DOT1L: variants seen among roughly 807,000 people sequenced by gnomAD.
DOT1L encodes the protein DOT1 like histone lysine methyltransferase.
DOT1L carries 33 observed loss-of-function variants against 153.3 expected under a neutral mutation model. The observed-to-expected ratio is 0.22, with a 90% confidence interval of 0.16 to 0.29. The LOEUF (loss-of-function observed/expected upper bound fraction) is 0.29. DOT1L is among the 10% of genes least tolerant of loss of function. The pLI is 1.00. For missense variants in DOT1L, 1,847 were observed against 2,119.9 expected, an observed-to-expected ratio of 0.87 and a Z score of 2.53; for synonymous variants, 1,135 against 965.1, an observed-to-expected ratio of 1.18 and a Z score of -3.26.
chr19:2,197,405 AT>A lies in DOT1L; in HGVS notation c.652-2478del, dbSNP rs2023068483. ...GAAGCCCTCGCCATGGTTCCCAGCGATGGCCAGGAGGGCGCCATGGTGCCTT... is the reference window on the plus strand; with the variant it reads ...GAAGCCCTCGCCATGGTTCCCAGCGAGGCCAGGAGGGCGCCATGGTGCCTT... On this transcript the variant is annotated intron_variant, in intron 7 of 27. Transcript: ENST00000398665. The surrounding 1 kb of genome is among the most constrained non-coding windows in gnomAD (Gnocchi z 4.1). Among the ~76,000 whole-genome samples, 1 of 152,182 alleles carries A rather than the reference AT, an allele frequency of 6.6e-6. No homozygotes were observed. The highest frequency in any genetic ancestry group is 1.5e-5 in the Non-Finnish European group (1 of 68,022).
intron 24 of DOT1L, 58 bp from the exon 25 acceptor site, chr19:2,223,223 C>T (rs1421077183): frequency 1.5e-5 from 24 of 1,588,210 alleles, no homozygotes; most frequent in Non-Finnish European, 1.8e-5. Flanking sequence ...GGGGGGCTCT[C>T]CTGCCTTGGG....
At chr19:2,169,706 G>T (rs1422440156) in intron 1 of DOT1L, among the ~76,000 whole-genome samples, 1 of 152,178 alleles carries the variant, frequency 6.6e-6, no homozygotes, top group Non-Finnish European at 1.5e-5. Context: ...TCATCAGAGT[G>T]TATATTTGGG....
chr19:2,197,369 C>T lies in DOT1L; in HGVS notation c.652-2515C>T, dbSNP rs2023066530. On this transcript the variant is annotated intron_variant, in intron 7 of 27. Coordinates refer to ENST00000398665, the MANE Select transcript of DOT1L (RefSeq NM_032482.3). The surrounding 1 kb of genome is among the most constrained non-coding windows in gnomAD (Gnocchi z 4.1). ...GGCAGGCGAGCCACACAGATCCCAG[C>T]ACAGAGGATGGAAGCCCTCGCCATG... 6.6e-6 allele frequency among the ~76,000 whole-genome samples: 1 copy of T among 152,230 alleles called. No individual in the cohort carries two copies. Among genetic ancestry groups the T allele is most frequent in the African/African-American group, 2.4e-5 (1 of 41,466 alleles).
rs2024624710 is a variant in DOT1L, at chr19:2,232,099, T to C, written c.*2307T>C. 1 of 216,570 alleles carries C rather than the reference T, an allele frequency of 4.6e-6. No individual in the cohort carries two copies. The highest frequency in any genetic ancestry group is 1.8e-4 in the South Asian group (1 of 5,412). 13.4% of individuals were successfully genotyped at this position (216,570 alleles called of 1,614,324 possible). A position where few individuals can be genotyped will look rare whatever the true frequency, so the allele number is the denominator to read the frequency against. On this transcript the variant is annotated 3_prime_UTR_variant, in exon 28 of 28. Coordinates refer to ENST00000398665, the MANE Select transcript of DOT1L (RefSeq NM_032482.3). ...TGGAGACTGGGGATCTGGAGCCTGG[T>C]GCTGGCACCTGGCCTGAGTTTCCGT...
Position 2,207,475 on chromosome 19 carries a change from C to G in DOT1L, c.857-99C>G. 2 of 1,004,802 alleles carry G rather than the reference C, an allele frequency of 2.0e-6. No homozygotes were observed. Among genetic ancestry groups the G allele is most frequent in the Non-Finnish European group, 2.9e-6 (2 of 681,782 alleles). The allele number at this position is 1,004,802 out of a possible 1,614,324, so 62.2% of individuals were successfully genotyped here. ...GTGGGAGAAGAGGGAAGACGCGCAGCTCAGGCTTCTGTCCCCACGCCTGCC... is the reference window on the plus strand; with the variant it reads ...GTGGGAGAAGAGGGAAGACGCGCAGGTCAGGCTTCTGTCCCCACGCCTGCC... On this transcript the variant is annotated intron_variant, in intron 10 of 27. Transcript: ENST00000398665. This position sits in a 1 kb window ranked among gnomAD's most constrained non-coding sequence, Gnocchi z 4.5.
rs150805480 is a variant in DOT1L, at chr19:2,171,571, G to C, written c.81+7306G>C. On this transcript the variant is annotated intron_variant, in intron 1 of 27. Coordinates refer to ENST00000398665, the MANE Select transcript of DOT1L (RefSeq NM_032482.3). Reference sequence around the variant, plus strand: ...CACCACCGAGGGCGGGCCAGGAGACGCCAAGAGCTGTGCCTTTCATCGCCT... The same window carrying C: ...CACCACCGAGGGCGGGCCAGGAGACCCCAAGAGCTGTGCCTTTCATCGCCT... Among the ~76,000 whole-genome samples, 10 of 152,308 alleles carry C rather than the reference G, an allele frequency of 6.6e-5. No homozygotes were observed. In the East Asian group the frequency reaches 1.9e-3, roughly 29 times the overall value.
chr19:2,216,489 T>A lies in DOT1L; in HGVS notation c.2132T>A (p.Leu711His), dbSNP rs1343543105. The A allele has an allele frequency of 4.3e-6, 7 of 1,612,588 alleles. No homozygotes were observed. The Admixed American group carries it at 1.2e-4, about 27-fold the overall frequency. The change falls in exon 20 of 28, where the codon CTC becomes CAC. Residue 711 changes from leucine (L) to histidine (H), a missense_variant. This residue lies in a region of DOT1L where 281 missense variants were observed against 263.6 expected (regional missense o/e 1.07). Coordinates refer to ENST00000398665, the MANE Select transcript of DOT1L (RefSeq NM_032482.3). ...CACTTGAGCAGCATGAGCCCGGAGCTCTCCATGAACGGCCAGGCTGCTGGC... is the reference window on the plus strand; with the variant it reads ...CACTTGAGCAGCATGAGCCCGGAGCACTCCATGAACGGCCAGGCTGCTGGC... ...LPHLSSMSPE[L>H]SMNGQAAGYE...
rs1161840963 is a variant in DOT1L, at chr19:2,208,242, C to T, written c.963+562C>T. Among the ~76,000 whole-genome samples, 1 of 152,182 alleles carries T rather than the reference C, an allele frequency of 6.6e-6. No homozygotes were observed. Among genetic ancestry groups the T allele is most frequent in the Non-Finnish European group, 1.5e-5 (1 of 68,014 alleles). ...CTGGCATGTGGGCAGCGCCAGCCCT[C>T]CAGGGCTGGGAGGCTTCCCCTGGTC... On this transcript the variant is annotated intron_variant, in intron 11 of 27. Transcript: ENST00000398665. This position sits in a 1 kb window ranked among gnomAD's most constrained non-coding sequence, Gnocchi z 4.4.
At chr19:2,165,477 C>G (rs1028357416) in intron 1 of DOT1L, among the ~76,000 whole-genome samples, 7 of 152,230 alleles carry the variant, frequency 4.6e-5, no homozygotes, top group African/African-American at 1.7e-4. Context: ...GGGGCTCTGG[C>G]TTCTCTGGTT....
intron 1 of DOT1L, among the ~76,000 whole-genome samples, chr19:2,166,405 T>C (rs1272228024): frequency 6.6e-6 from 1 of 151,234 alleles, no homozygotes; most frequent in Non-Finnish European, 1.5e-5. Context: ...CTCACATTTA[T>C]TTATTTATAT....
Position 2,193,599 on chromosome 19 carries a change from A to G in DOT1L, c.494-90A>G. The G allele has an allele frequency of 7.7e-7, 1 of 1,296,212 alleles. No individual in the cohort carries two copies. The highest frequency in any genetic ancestry group is 1.1e-6 in the Non-Finnish European group (1 of 911,184). 80.3% of individuals were successfully genotyped at this position (1,296,212 alleles called of 1,614,324 possible). ...CTCCCCTGTGGGTCTTCATGGCCGC[A>G]TTCTTGTGGCCTCTGTCTCCGAGCC... On this transcript the variant is annotated intron_variant, in intron 5 of 27. Coordinates refer to ENST00000398665, the MANE Select transcript of DOT1L (RefSeq NM_032482.3). The surrounding 1 kb of genome is among the most constrained non-coding windows in gnomAD (Gnocchi z 5.9).
intron 27 of DOT1L, chr19:2,229,179 A>C: frequency 1.0e-6 from 1 of 985,456 alleles, no homozygotes; most frequent in Non-Finnish European, 1.2e-6. Context: ...TGAGGCCTTC[A>C]GGGAATGTCC....
chr19:2,181,347 G>A (rs540832772), intron 2 of DOT1L, among the ~76,000 whole-genome samples: 14 of 152,280 alleles, frequency 9.2e-5, no homozygotes, highest in South Asian at 4.1e-4. Flanking sequence ...TGGCCCTGGC[G>A]TCTTGCTGGT....
intron 7 of DOT1L, 65 bp from the exon 8 acceptor site, chr19:2,199,819 G>A: frequency 1.9e-6 from 3 of 1,582,244 alleles, no homozygotes; most frequent in Non-Finnish European, 2.6e-6. Context: ...TCTTCACAGG[G>A]GCTGGGCGGG....
intron 27 of DOT1L, chr19:2,228,619 C>T (rs1279354819): frequency 5.6e-5 from 55 of 985,258 alleles, no homozygotes; most frequent in Admixed American, 1.8e-4. Flanking sequence ...CCTGCGGTGA[C>T]GCCGCAGGAC....
At position 2,199,044 on chromosome 19, in the gene DOT1L, G is replaced by C. The variant is rs138260187; in HGVS notation, c.652-840G>C. ...GGCATTTGTGTCCGGGCTTTTGTGT[G>C]GACATGTTTTTATTTCTCCTGGGAA... On this transcript the variant is annotated intron_variant, in intron 7 of 27. Coordinates refer to ENST00000398665, the MANE Select transcript of DOT1L (RefSeq NM_032482.3). 2.1e-3 allele frequency among the ~76,000 whole-genome samples: 325 copies of C among 152,304 alleles called. 2 individuals carry two copies. Among genetic ancestry groups the C allele is most frequent in the African/African-American group, 6.8e-3 (281 of 41,570 alleles).
chr19:2,228,960 C>T (rs2024484911), intron 27 of DOT1L: 1 of 985,390 alleles, frequency 1.0e-6, no homozygotes, highest in Non-Finnish European at 1.2e-6. Flanking sequence ...TGATGGGTTC[C>T]CGGCGGGGTC....
chr19:2,184,486 G>A (rs933947325), intron 2 of DOT1L, among the ~76,000 whole-genome samples: 6 of 152,026 alleles, frequency 3.9e-5, no homozygotes, highest in African/African-American at 9.7e-5. Context: ...AGCTACTCTC[G>A]GAGTTCTGGG....
In DOT1L at chr19:2,232,421, C is replaced by G. The variant is rs1405357078; in HGVS notation, c.*2629C>G. 1 of 214,336 alleles carries G rather than the reference C, an allele frequency of 4.7e-6. No individual in the cohort carries two copies. The highest frequency in any genetic ancestry group is 5.9e-5 in the Admixed American group (1 of 17,030). The allele number at this position is 214,336 out of a possible 1,614,324, so 13.3% of individuals were successfully genotyped here. On this transcript the variant is annotated 3_prime_UTR_variant, in exon 28 of 28. Transcript: ENST00000398665. Reference sequence around the variant, plus strand: ...TGCTGGTCTGTGTCAGCCTTTGTAACGTGGGAGGCTCTGCCGTGTCTTCCG... The same window carrying G: ...TGCTGGTCTGTGTCAGCCTTTGTAAGGTGGGAGGCTCTGCCGTGTCTTCCG...
Sources: gnomAD v4.1 joint callset for allele counts (sites outside exome capture counted in the v4.1 genomes callset) on GRCh38, gnomAD v4.1.1 for gene constraint, gnomAD v4.1.1 regional missense constraint, Gnocchi (gnomAD v3.1) non-coding constraint, MANE v1.5 for transcripts, NCBI Gene and HGNC (gene_info 2026-07-23, HGNC 2026-07-21) for gene names.